DKK2: variants seen among roughly 807,000 people sequenced by gnomAD.
DKK2 encodes the protein dickkopf-related protein 2.
Under a neutral mutation model 28.1 loss-of-function variants are expected in DKK2, and 11 were observed. The ratio of observed to expected loss-of-function variants is 0.39; its 90% CI spans 0.25 to 0.65. The LOEUF is 0.65. Among genes scored for constraint, DKK2 ranks in the 30% least tolerant of loss-of-function variants. The pLI is 0.47. For missense variants in DKK2, 326 were observed against 335.5 expected (o/e 0.97, Z 0.22); for synonymous variants, 135 against 126.5 (o/e 1.07, Z -0.45).
At chr4:107,017,709 T>C (rs1723630307) in intron 1 of DKK2, among the ~76,000 whole-genome samples, 1 of 149,452 alleles carries the variant, frequency 6.7e-6, no homozygotes, top group Non-Finnish European at 1.5e-5. Context: ...AAGGATTATA[T>C]AAAAGATTAT....
chr4:106,957,359 T>C (rs1222759433), intron 1 of DKK2, among the ~76,000 whole-genome samples: 2 of 151,828 alleles, frequency 1.3e-5, no homozygotes, highest in East Asian at 3.9e-4. Context: ...TCCTCAGGGA[T>C]CTAGAACTAG....
At chr4:106,968,301 G>A (rs1016922742) in intron 1 of DKK2, among the ~76,000 whole-genome samples, 6 of 152,208 alleles carry the variant, frequency 3.9e-5, no homozygotes, top group South Asian at 2.1e-4. Context: ...GTGGCTCCTT[G>A]AACTTTCTCC....
At chr4:106,975,767 C>T (rs1435081941) in intron 1 of DKK2, among the ~76,000 whole-genome samples, 4 of 152,060 alleles carry the variant, frequency 2.6e-5, no homozygotes, top group Non-Finnish European at 5.9e-5. Context: ...TTAGTTATTT[C>T]TTGTCTTCTG....
In DKK2 at chr4:106,952,190, A is replaced by T. The variant is rs933415925; in HGVS notation, c.223-26241T>A. 2.0e-5 allele frequency among the ~76,000 whole-genome samples: 3 copies of T among 152,126 alleles called. No individual in the cohort carries two copies. In the East Asian group the frequency reaches 5.8e-4, roughly 29 times the overall value. On this transcript the variant is annotated intron_variant, in intron 1 of 3. Transcript: ENST00000285311. ...GAATTGCTAAGCTGTTCTTTCCTAT[A>T]AAAAGTAAAAATCTATTTACCTTTG... is the stretch of plus-strand genomic sequence containing the variant.
At chr4:106,928,103 A>G (rs1724449148) in intron 1 of DKK2, among the ~76,000 whole-genome samples, 1 of 152,174 alleles carries the variant, frequency 6.6e-6, no homozygotes, top group South Asian at 2.1e-4. Context: ...GCGCATCACC[A>G]TCTTTCCATT....
At position 107,036,253 on chromosome 4, in the gene DKK2, A is replaced by T. The variant is rs539032346; in HGVS notation, c.-662T>A. ...ACAGCGAATCGCTGCCAGCGCAGCG[A>T]TGCCTAGGGAGCGGACTTGCGCTAC... is the stretch of plus-strand genomic sequence containing the variant. On this transcript the variant is annotated 5_prime_UTR_variant, in exon 1 of 4. Transcript: ENST00000285311. 90 of 152,396 alleles carry T rather than the reference A, an allele frequency of 5.9e-4. No homozygotes were observed. Among genetic ancestry groups the T allele is most frequent in the African/African-American group, 2.0e-3 (83 of 41,510 alleles). 9.4% of individuals were successfully genotyped at this position (152,396 alleles called of 1,614,324 possible).
chr4:107,018,620 T>G (rs937053742), intron 1 of DKK2, among the ~76,000 whole-genome samples: 1 of 152,040 alleles, frequency 6.6e-6, no homozygotes. Flanking sequence ...GTTAAACATG[T>G]GCACATTCCA....
Position 106,935,941 on chromosome 4 carries a change from A to T in DKK2, c.223-9992T>A, listed in dbSNP as rs552235685. 2.0e-5 allele frequency among the ~76,000 whole-genome samples: 3 copies of T among 152,310 alleles called. No homozygotes were observed. The South Asian group carries it at 6.2e-4, about 32-fold the overall frequency. ...GAAGGAAAACTAACAAACAGAAAGGACATCCACACCAAAAACCCATCTGTA... is the reference window on the plus strand; with the variant it reads ...GAAGGAAAACTAACAAACAGAAAGGTCATCCACACCAAAAACCCATCTGTA... On this transcript the variant is annotated intron_variant, in intron 1 of 3. Coordinates refer to ENST00000285311, the MANE Select transcript of DKK2 (RefSeq NM_014421.3).
intron 1 of DKK2, among the ~76,000 whole-genome samples, chr4:106,985,432 G>C (rs1723102063): frequency 6.6e-6 from 1 of 152,132 alleles, no homozygotes; most frequent in Non-Finnish European, 1.5e-5. Flanking sequence ...AGGAAAACGA[G>C]TGAAGGGTAC....
Position 107,035,672 on chromosome 4 carries a change from C to A in DKK2, c.-81G>T, listed in dbSNP as rs1560596997. On this transcript the variant is annotated 5_prime_UTR_variant, in exon 1 of 4. Coordinates refer to ENST00000285311, the MANE Select transcript of DKK2 (RefSeq NM_014421.3). ...AGGGAGGGAGGACCCCAACACGGGG[C>A]CCCTCACTTGGGTCGCGGGGGCTTG... The A allele has an allele frequency of 2.7e-6, 4 of 1,497,058 alleles. 1 individual carries two copies. The highest frequency in any genetic ancestry group is 3.7e-6 in the Non-Finnish European group (4 of 1,093,146). 92.7% of individuals were successfully genotyped at this position (1,497,058 alleles called of 1,614,324 possible).
At chr4:107,009,087 T>C (rs771295351) in intron 1 of DKK2, among the ~76,000 whole-genome samples, 20 of 151,944 alleles carry the variant, frequency 1.3e-4, no homozygotes, top group Non-Finnish European at 2.8e-4. Context: ...GAACCAGGTA[T>C]ATCTTCTTAA....
chr4:106,934,477 G>A (rs1483936011), intron 1 of DKK2, among the ~76,000 whole-genome samples: 2 of 152,140 alleles, frequency 1.3e-5, no homozygotes, highest in Admixed American at 1.3e-4. Flanking sequence ...CATCTTAATA[G>A]CAGAATTAGA....
chr4:107,029,188 C>A (rs187987840), intron 1 of DKK2, among the ~76,000 whole-genome samples: 1 of 152,220 alleles, frequency 6.6e-6, no homozygotes, highest in Admixed American at 6.5e-5. Context: ...ATACCCATGT[C>A]ATTCAAGTAT....
At chr4:107,012,298 A>T (rs757866845) in intron 1 of DKK2, among the ~76,000 whole-genome samples, 23 of 151,452 alleles carry the variant, frequency 1.5e-4, no homozygotes, top group Non-Finnish European at 3.1e-4. Context: ...CATTCACAGT[A>T]GAACAATTCA....
intron 1 of DKK2, among the ~76,000 whole-genome samples, chr4:107,033,415 C>G (rs1344357770): frequency 6.6e-6 from 1 of 152,076 alleles, no homozygotes; most frequent in Non-Finnish European, 1.5e-5. Flanking sequence ...AGAGGTAGCA[C>G]CACAAAAACA....
chr4:106,947,493 G>A (rs1034492864), intron 1 of DKK2, among the ~76,000 whole-genome samples: 18 of 152,014 alleles, frequency 1.2e-4, no homozygotes, highest in Admixed American at 9.2e-4. Context: ...AGAGCTGTCA[G>A]TTTTTCAGGA....
chr4:106,952,579 CT>C (rs1458753936), intron 1 of DKK2, among the ~76,000 whole-genome samples: 1 of 152,078 alleles, frequency 6.6e-6, no homozygotes, highest in Non-Finnish European at 1.5e-5. Context: ...TGCCAAAATT[CT>C]TTATTTATAT....
chr4:106,960,133 C>T lies in DKK2; in HGVS notation c.223-34184G>A, dbSNP rs909714213. Among the ~76,000 whole-genome samples, 364 of 130,216 alleles carry T rather than the reference C, an allele frequency of 2.8e-3. 2 individuals are homozygous for T. The highest frequency in any genetic ancestry group is 0.011 in the African/African-American group (351 of 31,736). The allele number at this position is 130,216 out of a possible 152,430, so 85.4% of individuals were successfully genotyped here. A position where few individuals can be genotyped will look rare whatever the true frequency, so the allele number is the denominator to read the frequency against. ...AAAATGTTATATATATATATATATA[C>T]ACACACACATATATATACATATATA... On this transcript the variant is annotated intron_variant, in intron 1 of 3. Transcript: ENST00000285311.
At chr4:106,924,320 AT>A (rs886816536) in intron 3 of DKK2, 116 bp from the exon 4 acceptor site, 2 of 1,398,636 alleles carry the variant, frequency 1.4e-6, no homozygotes, top group African/African-American at 2.9e-5. Flanking sequence ...TGTTGTTACC[AT>A]TTATAATGAA....
Sources: gnomAD v4.1 joint callset for allele counts (sites outside exome capture counted in the v4.1 genomes callset) on GRCh38, gnomAD v4.1.1 for gene constraint, MANE v1.5 for transcripts, NCBI Gene and HGNC (gene_info 2026-07-23, HGNC 2026-07-21) for gene names.